PCDHA11: variants seen among roughly 807,000 people sequenced by gnomAD.
The protein encoded by PCDHA11 is protocadherin alpha-11.
A neutral mutation model predicts 70.3 loss-of-function variants in PCDHA11; 61 were observed. The ratio of observed to expected loss-of-function variants is 0.87; its 90% CI spans 0.71 to 1.07. The LOEUF is 1.07. Among genes scored for constraint, PCDHA11 ranks in the 50% least tolerant of loss-of-function variants. The pLI, the probability that PCDHA11 is intolerant of heterozygous loss-of-function variation, is 0.00. For missense variants in PCDHA11, 1,324 were observed against 1,237.5 expected (o/e 1.07, Z -1.05); for synonymous variants, 633 against 555.1 (o/e 1.14, Z -1.97).
chr5:140,976,354 C>A (rs1331334402), intron 1 of PCDHA11, among the ~76,000 whole-genome samples: 2 of 151,960 alleles, frequency 1.3e-5, no homozygotes, highest in Non-Finnish European at 2.9e-5. Context: ...TGTTCAAGAC[C>A]AGCCTGGCCA....
At chr5:140,928,227 T>G (rs781923359) in intron 1 of PCDHA11, 2 of 1,614,198 alleles carry the variant, frequency 1.2e-6, no homozygotes, top group South Asian at 2.2e-5. Context: ...CACCAAACTT[T>G]CCTCAACCCC....
chr5:140,985,504 A>G (rs1368014181), intron 3 of PCDHA11, among the ~76,000 whole-genome samples: 2 of 152,170 alleles, frequency 1.3e-5, no homozygotes, highest in Non-Finnish European at 2.9e-5. Context: ...CCTGCCTTTC[A>G]TTGATTCTGT....
rs782499527 is a variant in PCDHA11, at chr5:140,871,070, C to T, written c.1967C>T (p.Pro656Leu). ...GTACTGGTGAAGGATCACGGTGAGC[C>T]GGCGCTGACGGCCACGGCCACCGTG... ...LLVLVKDHGE[P>L]ALTATATVLV... Residue 656 changes from proline to leucine, a missense_variant, in exon 1 of 4, where the codon CCG becomes CTG. Transcript: ENST00000398640. 11 of 1,613,094 alleles carry T rather than the reference C, an allele frequency of 6.8e-6. No homozygotes were observed. The South Asian group carries it at 9.9e-5, about 14-fold the overall frequency.
intron 3 of PCDHA11, among the ~76,000 whole-genome samples, chr5:141,006,384 T>G (rs181638891): frequency 6.6e-6 from 1 of 152,126 alleles, no homozygotes; most frequent in African/African-American, 2.4e-5. Flanking sequence ...GCTAAGTTTT[T>G]TCTATTTTTT....
chr5:140,911,626 T>C (rs1436086231), intron 1 of PCDHA11, among the ~76,000 whole-genome samples: 5 of 152,180 alleles, frequency 3.3e-5, no homozygotes, highest in African/African-American at 1.2e-4. Context: ...TCCCCACATA[T>C]GGTCAAAGGT....
chr5:140,870,358 G>C lies in PCDHA11; in HGVS notation c.1255G>C (p.Ala419Pro), dbSNP rs201159213. The C allele has an allele frequency of 1.2e-5, 20 of 1,614,216 alleles. No homozygotes were observed. The Admixed American group carries it at 3.3e-4, about 27-fold the overall frequency. ...DSALDRENVW[A>P]YELVVTARDG... is the part of the protein sequence containing the mutation. ...CGCCCTGGACCGCGAGAACGTGTGG[G>C]CCTATGAACTGGTGGTGACTGCGCG... The change falls in exon 1 of 4, where the codon GCC becomes CCC. Residue 419 changes from alanine (A) to proline (P), a missense_variant. Transcript: ENST00000398640.
intron 3 of PCDHA11, among the ~76,000 whole-genome samples, chr5:141,006,789 C>T (rs1388215052): frequency 6.6e-6 from 1 of 152,026 alleles, no homozygotes; most frequent in Non-Finnish European, 1.5e-5. Flanking sequence ...GAATAATTAG[C>T]TTTGAACTTT....
chr5:140,915,960 G>A (rs1554197207), intron 1 of PCDHA11, among the ~76,000 whole-genome samples: 1 of 152,112 alleles, frequency 6.6e-6, no homozygotes, highest in Admixed American at 6.5e-5. Flanking sequence ...TTAGAAATTT[G>A]CCTGATATTT....
At chr5:140,987,997 T>C (rs2097277277) in intron 3 of PCDHA11, among the ~76,000 whole-genome samples, 1 of 152,212 alleles carries the variant, frequency 6.6e-6, no homozygotes, top group African/African-American at 2.4e-5. Flanking sequence ...TCTCTGATCC[T>C]TCCCCAGAAA....
At chr5:140,967,727 G>C in intron 1 of PCDHA11, 2 of 1,614,148 alleles carry the variant, frequency 1.2e-6, no homozygotes, top group Non-Finnish European at 1.7e-6. Flanking sequence ...GCGAGTAATT[G>C]GGGGGCTGGA....
At chr5:140,909,632 A>G (rs781948813) in intron 1 of PCDHA11, among the ~76,000 whole-genome samples, 3 of 152,038 alleles carry the variant, frequency 2.0e-5, no homozygotes, top group South Asian at 2.1e-4. Flanking sequence ...TGGTCTTCCT[A>G]TTTTGTCTTT....
At chr5:140,982,845 C>A (rs1436674965) in intron 3 of PCDHA11, among the ~76,000 whole-genome samples, 1 of 151,978 alleles carries the variant, frequency 6.6e-6, no homozygotes, top group Non-Finnish European at 1.5e-5. Flanking sequence ...TTGTTTAAAT[C>A]AGGTACCTTT....
rs79396364 is a variant in PCDHA11 at position 140,939,917 on chromosome 5, T to C, written c.2392-39032T>C. On this transcript the variant is annotated intron_variant, in intron 1 of 3. Transcript: ENST00000398640. ...TATTCTGCATTCTTTTTTATTCTTT[T>C]TGTTTGCTTATTTTATCAGTTACTG... is the stretch of plus-strand genomic sequence containing the variant. Among the ~76,000 whole-genome samples, 828 of 152,316 alleles carry C rather than the reference T, an allele frequency of 5.4e-3. 3 individuals carry two copies. The highest frequency in any genetic ancestry group is 0.019 in the African/African-American group (797 of 41,560).
intron 1 of PCDHA11, chr5:140,877,782 G>A (rs1389004100): frequency 6.2e-7 from 1 of 1,614,036 alleles, no homozygotes; most frequent in Non-Finnish European, 8.5e-7. Context: ...CGGACCTCAT[G>A]GCCTTCAGCC....
intron 3 of PCDHA11, among the ~76,000 whole-genome samples, chr5:141,005,998 G>A (rs1289174174): frequency 1.3e-5 from 2 of 151,618 alleles, no homozygotes; most frequent in Non-Finnish European, 2.9e-5. Flanking sequence ...GGATCTGAAA[G>A]AAGGCCTGTA....
chr5:140,929,207 G>T (rs782298445), intron 1 of PCDHA11: 2 of 1,614,106 alleles, frequency 1.2e-6, no homozygotes, highest in Non-Finnish European at 1.7e-6. Flanking sequence ...TTGCTGTTGC[G>T]TGGGGAGTAC....
At chr5:140,926,371 G>A (rs1220733947) in intron 1 of PCDHA11, 1 of 152,352 alleles carries the variant, frequency 6.6e-6, no homozygotes, top group East Asian at 1.9e-4. Flanking sequence ...GCGGCAGGAA[G>A]AGCCCAGCTG....
At chr5:140,933,047 A>G (rs1482395906) in intron 1 of PCDHA11, among the ~76,000 whole-genome samples, 2 of 152,030 alleles carry the variant, frequency 1.3e-5, no homozygotes, top group Non-Finnish European at 1.5e-5. Flanking sequence ...TATGGATTAC[A>G]GTCCAGGATC....
chr5:140,954,470 G>T (rs999752135), intron 1 of PCDHA11, among the ~76,000 whole-genome samples: 2 of 152,150 alleles, frequency 1.3e-5, no homozygotes, highest in Non-Finnish European at 2.9e-5. Flanking sequence ...ATTCTGACTG[G>T]TGTGAGAAGA....
Sources: allele counts gnomAD v4.1 joint callset (sites outside exome capture counted in the v4.1 genomes callset), GRCh38; gene constraint gnomAD v4.1.1; transcripts MANE v1.5; gene names NCBI Gene and HGNC (gene_info 2026-07-23, HGNC 2026-07-21).